The following CCDC93 variants were observed in gnomAD, a reference collection of about 807,000 sequenced individuals.
CCDC93 encodes CCC complex scaffolding subunit CCDC93.
CCDC93 carries 61 observed loss-of-function variants against 108.2 expected under a neutral mutation model. The ratio of observed to expected loss-of-function variants is 0.56; its 90% CI spans 0.46 to 0.70. The LOEUF (loss-of-function observed/expected upper bound fraction) is 0.70, where lower values mean the gene tolerates loss of function less well. CCDC93 is among the 30% of genes least tolerant of loss of function. The probability of loss-of-function intolerance (pLI) is 0.00; values close to 1 mark genes in which losing one functional copy is unlikely to be tolerated. For missense variants in CCDC93, 685 were observed against 764.2 expected (o/e 0.90, Z 1.22); for synonymous variants, 276 against 260.4 (o/e 1.06, Z -0.58).
chr2:117,951,563 T>C (rs1184445323), intron 13 of CCDC93: 2 of 999,774 alleles, frequency 2.0e-6, no homozygotes, highest in Non-Finnish European at 1.2e-6. Context: ...CGGAGACGTC[T>C]TTGAAGATCC....
Position 117,919,357 on chromosome 2 carries a change from T to A in CCDC93, c.*986A>T, listed in dbSNP as rs1215733057. The A allele has an allele frequency of 6.6e-6, 1 of 152,184 alleles. No homozygotes were observed. Among genetic ancestry groups the A allele is most frequent in the African/African-American group, 2.4e-5 (1 of 41,428 alleles). The allele number at this position is 152,184 out of a possible 1,614,324, so 9.4% of individuals were successfully genotyped here. A position where few individuals can be genotyped will look rare whatever the true frequency, so the allele number is the denominator to read the frequency against. On this transcript the variant is annotated 3_prime_UTR_variant, in exon 24 of 24. Coordinates refer to ENST00000376300, the MANE Select transcript of CCDC93 (RefSeq NM_019044.5). ...ATTTAAAACAGTCTTCCTATCAACATCCGATTCTCCCTTTAGATAGGGCTC... is the reference window on the plus strand; with the variant it reads ...ATTTAAAACAGTCTTCCTATCAACAACCGATTCTCCCTTTAGATAGGGCTC...
chr2:117,970,428 A>G lies in CCDC93; in HGVS notation c.888+3480T>C, dbSNP rs191083673. Reference sequence around the variant, plus strand: ...ACTATTTTACCAGATCCATGGAAAAACAATGAACCTCTCATTTGGAAACAA... The same window carrying G: ...ACTATTTTACCAGATCCATGGAAAAGCAATGAACCTCTCATTTGGAAACAA... On this transcript the variant is annotated intron_variant, in intron 11 of 23. Coordinates refer to ENST00000376300, the MANE Select transcript of CCDC93 (RefSeq NM_019044.5). Among the ~76,000 whole-genome samples the G allele has an allele frequency of 5.8e-4, 88 of 152,308 alleles. 1 individual carries two copies. The South Asian group carries it at 0.015, about 26-fold the overall frequency.
At chr2:117,993,796 C>G (rs997140538) in intron 6 of CCDC93, among the ~76,000 whole-genome samples, 1 of 152,200 alleles carries the variant, frequency 6.6e-6, no homozygotes, top group Non-Finnish European at 1.5e-5. Flanking sequence ...TGCAATGGCA[C>G]GATCTTGGCT....
rs981551828 is a variant in CCDC93 at position 117,973,835 on chromosome 2, G to C, written c.888+73C>G. 20 of 1,141,396 alleles carry C rather than the reference G, an allele frequency of 1.8e-5. No homozygotes were observed. In the Admixed American group the frequency reaches 3.9e-4, roughly 22 times the overall value. The allele number at this position is 1,141,396 out of a possible 1,614,324, so 70.7% of individuals were successfully genotyped here. On this transcript the variant is annotated intron_variant, in intron 11 of 23. Transcript: ENST00000376300. ...GAACACGGGGCACTGCTGGGGTAGT[G>C]GGGTAAGGAAGTGGGAGAACAAAGC...
intron 7 of CCDC93, among the ~76,000 whole-genome samples, chr2:117,982,758 G>GC (rs1451725900): frequency 4.7e-4 from 2 of 4,288 alleles, no homozygotes; most frequent in African/African-American, 6.1e-4. Flanking sequence ...AGTGTAGTGG[G>GC]GGGGGGGGTG....
chr2:117,945,521 G>C lies in CCDC93; in HGVS notation c.1350+8C>G, dbSNP rs1238493432. 2 of 1,613,126 alleles carry C rather than the reference G, an allele frequency of 1.2e-6. No individual in the cohort carries two copies. Among genetic ancestry groups the C allele is most frequent in the Non-Finnish European group, 1.7e-6 (2 of 1,179,122 alleles). On this transcript the variant is annotated splice_region_variant and intron_variant, in intron 17 of 23. Transcript: ENST00000376300. ...GACAATGCCAGTCCTGAGCAGGCAG[G>C]TACTTACGTCATGAGTCATTGCAGA... is the stretch of plus-strand genomic sequence containing the variant.
At chr2:118,004,762 C>T (rs1676818487) in intron 3 of CCDC93, among the ~76,000 whole-genome samples, 1 of 148,914 alleles carries the variant, frequency 6.7e-6, no homozygotes, top group Admixed American at 6.7e-5. Context: ...GCTTTGCCCA[C>T]AGTTACAGTT....
At chr2:117,988,442 C>T (rs1459044245) in intron 6 of CCDC93, among the ~76,000 whole-genome samples, 1 of 152,208 alleles carries the variant, frequency 6.6e-6, no homozygotes, top group East Asian at 1.9e-4. Flanking sequence ...GGCAGTGAAA[C>T]AGCCACCGCC....
In CCDC93 at chr2:117,941,194, C is replaced by T. The variant is rs979411640; in HGVS notation, c.1517G>A (p.Arg506His). Residue 506 changes from arginine (R) to histidine (H), a missense_variant, in exon 19 of 24, where the codon CGC (arginine) becomes CAC (histidine). Transcript: ENST00000376300. ...QYQKRFIELY[R>H]QISAVHKETK... The stretch of plus-strand genomic sequence containing the variant: ...TCTGTGGTCAATGCACCTACTCTGG[C>T]GGTAGAGTTCAATAAATCTCTTCTG... 2.4e-5 allele frequency: 38 copies of T among 1,608,390 alleles called. No homozygotes were observed. Among genetic ancestry groups the T allele is most frequent in the African/African-American group, 4.0e-5 (3 of 74,916 alleles).
intron 7 of CCDC93, among the ~76,000 whole-genome samples, chr2:117,984,959 C>A (rs1680267605): frequency 6.6e-6 from 1 of 152,118 alleles, no homozygotes; most frequent in Non-Finnish European, 1.5e-5. Flanking sequence ...TAACTGCTAA[C>A]AAGTTACTTG....
At chr2:117,990,075 C>G (rs1433604444) in intron 6 of CCDC93, among the ~76,000 whole-genome samples, 1 of 152,168 alleles carries the variant, frequency 6.6e-6, no homozygotes, top group East Asian at 1.9e-4. Context: ...ATGAATGTAT[C>G]TTTTGGGTCT....
intron 23 of CCDC93, among the ~76,000 whole-genome samples, chr2:117,926,390 AAAG>A (rs1232720029): frequency 2.0e-5 from 3 of 152,220 alleles, no homozygotes; most frequent in Non-Finnish European, 4.4e-5. Context: ...ATAAAGAAGA[AAAG>A]AGAGAAGAAT....
In CCDC93 at chr2:117,920,349, G is replaced by A. The variant is rs1036200354; in HGVS notation, c.1890C>T (p.Ala630=). 7.4e-6 allele frequency: 12 copies of A among 1,612,150 alleles called. No homozygotes were observed. The highest frequency in any genetic ancestry group is 1.0e-5 in the Non-Finnish European group (12 of 1,178,580). The change falls in exon 24 of 24, where the codon GCC becomes GCT. Residue 630 remains alanine (A), a synonymous_variant. Transcript: ENST00000376300. The part of the protein sequence containing the change: ...EMLLSKVKAK[A]S ...CAGCCACGGCTGGGGATGTTCAGGA[G>A]GCCTTCGCTTTCACCTTGGACAGCA...
At chr2:117,926,830 A>G (rs1466025195) in intron 23 of CCDC93, among the ~76,000 whole-genome samples, 2 of 152,194 alleles carry the variant, frequency 1.3e-5, no homozygotes, top group African/African-American at 2.4e-5. Flanking sequence ...AGAGAATTTT[A>G]GACCAATATC....
intron 11 of CCDC93, among the ~76,000 whole-genome samples, chr2:117,971,071 A>G (rs75880322): frequency 0.013 from 2,025 of 152,336 alleles, 48 homozygotes; most frequent in African/African-American, 0.045. Context: ...TTATTAAAAT[A>G]AATGGGAACG....
At chr2:117,983,218 G>A (rs1680203574) in intron 7 of CCDC93, among the ~76,000 whole-genome samples, 1 of 152,142 alleles carries the variant, frequency 6.6e-6, no homozygotes, top group East Asian at 1.9e-4. Flanking sequence ...ACCATGGTCT[G>A]ATTCATTTCC....
chr2:117,935,382 T>C (rs1196347361), intron 22 of CCDC93, 113 bp downstream of exon 22: 1 of 737,470 alleles, frequency 1.4e-6, no homozygotes, highest in African/African-American at 1.7e-5. Context: ...AAATGTGTCT[T>C]TTCAGGATTG....
intron 11 of CCDC93, among the ~76,000 whole-genome samples, chr2:117,972,937 A>T (rs543803130): frequency 6.6e-6 from 1 of 152,114 alleles, no homozygotes; most frequent in Non-Finnish European, 1.5e-5. Context: ...GAGTGGGGAA[A>T]ACAAAGGAAT....
chr2:117,930,902 C>T, intron 23 of CCDC93, 135 bp downstream of exon 23: 1 of 596,234 alleles, frequency 1.7e-6, no homozygotes, highest in Non-Finnish European at 3.0e-6. Context: ...ACTTCACTGC[C>T]AGATCACACT....
Sources: allele counts gnomAD v4.1 joint callset (sites outside exome capture counted in the v4.1 genomes callset), GRCh38; gene constraint gnomAD v4.1.1; transcripts MANE v1.5; gene names NCBI Gene and HGNC (gene_info 2026-07-23, HGNC 2026-07-21).